PUM3: variants seen among roughly 807,000 people sequenced by gnomAD.
The protein encoded by PUM3 is pumilio homolog 3.
A neutral mutation model predicts 84.0 loss-of-function variants in PUM3; 91 were observed. The ratio of observed to expected loss-of-function variants is 1.08; its 90% CI spans 0.91 to 1.29. The LOEUF is 1.29. Among genes scored for constraint, PUM3 ranks in the 50% most tolerant of loss-of-function variants. The probability of loss-of-function intolerance (pLI) is 0.00; values close to 1 mark genes in which losing one functional copy is unlikely to be tolerated. For synonymous variants in PUM3, 321 were observed against 266.7 expected (o/e 1.20, Z -1.98); for missense variants, 1,067 against 767.5 (o/e 1.39, Z -4.61).
chr9:2,827,026 C>A, intron 10 of PUM3, 47 bp downstream of exon 10: 2 of 1,461,668 alleles, frequency 1.4e-6, no homozygotes, highest in Non-Finnish European at 1.9e-6. Flanking sequence ...ATTTCTACAC[C>A]GCTCCTCCTC....
Position 2,838,408 on chromosome 9 carries a change from A to T in PUM3, c.82+18T>A, listed in dbSNP as rs1358763700. The T allele has an allele frequency of 6.4e-7, 1 of 1,554,830 alleles. No homozygotes were observed. The highest frequency in any genetic ancestry group is 1.1e-5 in the South Asian group (1 of 89,848). ...CCAATTATAACAGCCAAACACCCAC[A>T]TGGGAAGCATATCTTACCACTATTT... is the stretch of plus-strand genomic sequence containing the variant. On this transcript the variant is annotated intron_variant, in intron 2 of 17. Coordinates refer to ENST00000397885, the MANE Select transcript of PUM3 (RefSeq NM_014878.5).
chr9:2,829,979 T>A (rs542684713), intron 7 of PUM3, 31 bp from the exon 8 acceptor site: 1 of 1,580,492 alleles, frequency 6.3e-7, no homozygotes, highest in Admixed American at 1.7e-5. Flanking sequence ...GAAAAATAAA[T>A]GATAGAAGGA....
chr9:2,807,433 CAAAAAATA>C (rs1193487122), intron 17 of PUM3, among the ~76,000 whole-genome samples: 2 of 150,894 alleles, frequency 1.3e-5, no homozygotes, highest in Non-Finnish European at 3.0e-5. Flanking sequence ...CCCATCTCTA[CAAAAAATA>C]AAAAAATAAA....
chr9:2,842,703 C>T (rs1343209007), intron 1 of PUM3, among the ~76,000 whole-genome samples: 2 of 152,150 alleles, frequency 1.3e-5, no homozygotes, highest in African/African-American at 2.4e-5. Context: ...CCATTATGAA[C>T]TTCTCCTTGG....
intron 15 of PUM3, 106 bp from the exon 16 acceptor site, chr9:2,810,537 G>C: frequency 1.3e-6 from 1 of 741,246 alleles, no homozygotes. Flanking sequence ...TAAGGACTCA[G>C]CCACTTTTAA....
intron 3 of PUM3, among the ~76,000 whole-genome samples, chr9:2,834,707 A>G (rs1230626848): frequency 2.6e-5 from 4 of 152,214 alleles, no homozygotes; most frequent in African/African-American, 9.6e-5. Context: ...ATCTGAGGCC[A>G]CACAACCTGC....
intron 8 of PUM3, 46 bp downstream of exon 8, chr9:2,829,728 A>G: frequency 2.0e-6 from 3 of 1,523,676 alleles, no homozygotes; most frequent in Non-Finnish European, 9.0e-7. Context: ...AAGGAAGAGC[A>G]TATCGAAAAG....
At chr9:2,808,417 T>C (rs2129784472) in intron 16 of PUM3, among the ~76,000 whole-genome samples, 1 of 152,338 alleles carries the variant, frequency 6.6e-6, no homozygotes, top group Non-Finnish European at 1.5e-5. Context: ...GCTTACATAC[T>C]CACAAATCAA....
intron 13 of PUM3, among the ~76,000 whole-genome samples, chr9:2,819,251 C>A (rs1821534638): frequency 6.6e-6 from 1 of 152,162 alleles, no homozygotes; most frequent in South Asian, 2.1e-4. Context: ...GAAAAAGAGA[C>A]TATTGATGCA....
intron 1 of PUM3, among the ~76,000 whole-genome samples, chr9:2,843,641 C>T (rs997681277): frequency 7.6e-5 from 11 of 144,082 alleles, no homozygotes; most frequent in Non-Finnish European, 1.6e-4. Context: ...TGTAGTGGCA[C>T]GATCTTGGCT....
chr9:2,838,330 C>A (rs1451773373), intron 2 of PUM3, 96 bp downstream of exon 2: 7 of 831,434 alleles, frequency 8.4e-6, no homozygotes, highest in Non-Finnish European at 1.4e-5. Flanking sequence ...TATTTTAATC[C>A]TAATCCTAGC....
Position 2,834,174 on chromosome 9 carries a change from T to C in PUM3, c.305-8A>G. 2 of 1,604,756 alleles carry C rather than the reference T, an allele frequency of 1.2e-6. No individual in the cohort carries two copies. The highest frequency in any genetic ancestry group is 1.7e-6 in the Non-Finnish European group (2 of 1,176,126). ...GCTTCTTGGCTGCTGATTCTAGTTA[T>C]TATAGAAATTATTTTCAATTACATT... On this transcript the variant is annotated splice_region_variant and splice_polypyrimidine_tract_variant and intron_variant, in intron 3 of 17. Coordinates refer to ENST00000397885, the MANE Select transcript of PUM3 (RefSeq NM_014878.5).
intron 1 of PUM3, among the ~76,000 whole-genome samples, chr9:2,841,890 T>C (rs1816276300): frequency 6.6e-6 from 1 of 152,178 alleles, no homozygotes; most frequent in Non-Finnish European, 1.5e-5. Flanking sequence ...TGGTGTATAA[T>C]TCCACGGGCT....
intron 5 of PUM3, among the ~76,000 whole-genome samples, chr9:2,832,242 T>C (rs1816003133): frequency 6.6e-6 from 1 of 152,184 alleles, no homozygotes; most frequent in Non-Finnish European, 1.5e-5. Flanking sequence ...TCAACATAAA[T>C]GCCTTAAACA....
chr9:2,823,882 G>T, intron 11 of PUM3, 48 bp from the exon 12 acceptor site: 1 of 978,184 alleles, frequency 1.0e-6, no homozygotes, highest in Non-Finnish European at 1.5e-6. Context: ...ATGTATTAAG[G>T]GTATTTTGTA....
At chr9:2,804,527 C>T in intron 17 of PUM3, 64 bp from the exon 18 acceptor site, 1 of 1,473,860 alleles carries the variant, frequency 6.8e-7, no homozygotes, top group Non-Finnish European at 9.2e-7. Flanking sequence ...ACTACCTGTA[C>T]CAACAGTAAA....
At position 2,807,879 on chromosome 9, in the gene PUM3, C is replaced by T. The variant is rs768308178; in HGVS notation, c.1749G>A (p.Glu583=). 1 of 1,613,202 alleles carries T rather than the reference C, an allele frequency of 6.2e-7. No individual in the cohort carries two copies. Among genetic ancestry groups the T allele is most frequent in the Non-Finnish European group, 8.5e-7 (1 of 1,179,618 alleles). ...ACTTCAGGTTCTTCATACCAACATG[C>T]TCTACAAGTGTTTTTGCAAAACAAC... ...REGCFAKTLV[E]HVGMKNLKSW... Residue 583 remains glutamate (E), a synonymous_variant, in exon 17 of 18, where the codon GAG becomes GAA. Transcript: ENST00000397885.
At chr9:2,810,550 T>C in intron 15 of PUM3, 119 bp from the exon 16 acceptor site, 1 of 649,636 alleles carries the variant, frequency 1.5e-6, no homozygotes, top group Non-Finnish European at 2.6e-6. Context: ...ACTTTTAAAG[T>C]TCCACAGGCT....
rs544257106 is a variant in PUM3, at chr9:2,834,394, T to A, written c.305-228A>T. Among the ~76,000 whole-genome samples, 3 of 152,328 alleles carry A rather than the reference T, an allele frequency of 2.0e-5. No individual in the cohort carries two copies. The South Asian group carries it at 6.2e-4, about 32-fold the overall frequency. On this transcript the variant is annotated intron_variant, in intron 3 of 17. Coordinates refer to ENST00000397885, the MANE Select transcript of PUM3 (RefSeq NM_014878.5). ...TCATTAATTCTTCTAACAGGATACC[T>A]ATTAAGAGAAAAGGACACTAAAAGA...
Sources: gnomAD v4.1 joint callset for allele counts (sites outside exome capture counted in the v4.1 genomes callset) on GRCh38, gnomAD v4.1.1 for gene constraint, MANE v1.5 for transcripts, NCBI Gene and HGNC (gene_info 2026-07-23, HGNC 2026-07-21) for gene names.